PRKD1: variants seen among roughly 807,000 people sequenced by gnomAD.
PRKD1 encodes the protein serine/threonine-protein kinase D1.
PRKD1 carries 63 observed loss-of-function variants against 95.9 expected under a neutral mutation model. That is an observed-to-expected ratio of 0.66 (90% confidence interval 0.54 to 0.81). The LOEUF is 0.81. Among genes scored for constraint, PRKD1 ranks in the 30% least tolerant of loss-of-function variants. The probability of loss-of-function intolerance (pLI) is 0.00; values close to 1 mark genes in which losing one functional copy is unlikely to be tolerated. For missense variants in PRKD1, 1,048 were observed against 1,165.3 expected (o/e 0.90, Z 1.47); for synonymous variants, 425 against 423.1 (o/e 1.00, Z -0.05).
intron 2 of PRKD1, among the ~76,000 whole-genome samples, chr14:29,672,296 G>A (rs751511042): frequency 3.8e-4 from 58 of 151,542 alleles, no homozygotes; most frequent in Non-Finnish European, 6.2e-4. Context: ...AGCCGAGATC[G>A]TGCCACTGCA....
At chr14:29,774,326 A>T (rs547746110) in intron 1 of PRKD1, among the ~76,000 whole-genome samples, 4 of 152,194 alleles carry the variant, frequency 2.6e-5, no homozygotes, top group African/African-American at 9.6e-5. Context: ...TTATTAAAAC[A>T]TACCTCCTGA....
chr14:29,759,436 A>T (rs1459526251), intron 1 of PRKD1, among the ~76,000 whole-genome samples: 3 of 152,342 alleles, frequency 2.0e-5, no homozygotes, highest in African/African-American at 7.2e-5. Flanking sequence ...GGCCATATTG[A>T]TAAATGTGCT....
intron 2 of PRKD1, among the ~76,000 whole-genome samples, chr14:29,713,549 G>C (rs1333255017): frequency 6.6e-6 from 1 of 152,074 alleles, no homozygotes; most frequent in Non-Finnish European, 1.5e-5. Flanking sequence ...AACATCCATT[G>C]TCAGTTACTG....
chr14:29,719,685 A>C (rs1184965375), intron 2 of PRKD1, among the ~76,000 whole-genome samples: 1 of 152,200 alleles, frequency 6.6e-6, no homozygotes, highest in Non-Finnish European at 1.5e-5. Flanking sequence ...ATTGTGAAGG[A>C]AACAAATTAC....
At chr14:29,613,097 C>CA (rs66712219) in intron 13 of PRKD1, among the ~76,000 whole-genome samples, 79,313 of 149,926 alleles carry the variant, frequency 0.53, 21,546 homozygotes, top group East Asian at 0.68. Context: ...GACTCTGTCT[C>CA]AAAAAAAAAA....
At chr14:29,751,581 A>C (rs1207968103) in intron 1 of PRKD1, among the ~76,000 whole-genome samples, 1 of 152,220 alleles carries the variant, frequency 6.6e-6, no homozygotes, top group Non-Finnish European at 1.5e-5. Flanking sequence ...CCTCCTACCT[A>C]CAAACTCCAT....
intron 2 of PRKD1, among the ~76,000 whole-genome samples, chr14:29,723,285 T>C (rs919654180): frequency 8.6e-5 from 13 of 152,014 alleles, no homozygotes; most frequent in African/African-American, 2.7e-4. Flanking sequence ...TAAATGGCAA[T>C]GGGAAATCAG....
intron 1 of PRKD1, among the ~76,000 whole-genome samples, chr14:29,737,550 T>G (rs912223280): frequency 2.6e-5 from 4 of 152,080 alleles, no homozygotes; most frequent in African/African-American, 9.7e-5. Flanking sequence ...TGCACCCCCT[T>G]AATGAGCAAA....
intron 1 of PRKD1, among the ~76,000 whole-genome samples, chr14:29,809,193 C>T (rs2139238408): frequency 6.6e-6 from 1 of 152,354 alleles, no homozygotes; most frequent in South Asian, 2.1e-4. Context: ...AGAAACCATG[C>T]TGCAAACAGA....
chr14:29,811,610 CCT>C (rs774214317), intron 1 of PRKD1, among the ~76,000 whole-genome samples: 4 of 152,162 alleles, frequency 2.6e-5, no homozygotes, highest in Non-Finnish European at 4.4e-5. Context: ...AGACCCTGAC[CCT>C]CTCTGCCAGG....
At chr14:29,595,079 A>G (rs1893253718) in intron 16 of PRKD1, among the ~76,000 whole-genome samples, 1 of 151,944 alleles carries the variant, frequency 6.6e-6, no homozygotes, top group South Asian at 2.1e-4. Flanking sequence ...ATAAGGAGGT[A>G]CTGAGTCATT....
intron 2 of PRKD1, among the ~76,000 whole-genome samples, chr14:29,700,858 A>T (rs1884789510): frequency 6.6e-6 from 1 of 152,094 alleles, no homozygotes; most frequent in African/African-American, 2.4e-5. Context: ...GGTCTCTGCT[A>T]CCCTATCCTA....
At chr14:29,749,092 C>T (rs1887361604) in intron 1 of PRKD1, among the ~76,000 whole-genome samples, 1 of 152,052 alleles carries the variant, frequency 6.6e-6, no homozygotes, top group Non-Finnish European at 1.5e-5. Context: ...GTCTTTTATG[C>T]TTTTCTGCAT....
Position 29,578,336 on chromosome 14 carries a change from A to G in PRKD1, c.2459T>C (p.Leu820Pro). The stretch of plus-strand genomic sequence containing the variant: ...GTAGCGCTTTCTCATTTTTACTTGC[A>G]GCAAATTGTTGATAAGATCAATGGC... ...HEAIDLINNL[L>P]QVKMRKRYSV... is the part of the protein sequence containing the mutation. Residue 820 changes from leucine (L) to proline (P), a missense_variant, in exon 17 of 18, where the codon CTG becomes CCG. Transcript: ENST00000331968. 2 of 1,611,246 alleles carry G rather than the reference A, an allele frequency of 1.2e-6. No homozygotes were observed. The highest frequency in any genetic ancestry group is 1.7e-6 in the Non-Finnish European group (2 of 1,178,788).
intron 1 of PRKD1, among the ~76,000 whole-genome samples, chr14:29,809,959 C>G (rs1474443650): frequency 6.6e-6 from 1 of 152,114 alleles, no homozygotes; most frequent in African/African-American, 2.4e-5. Flanking sequence ...TCACTTGACC[C>G]TTAGAAGTCA....
chr14:29,586,807 T>C (rs749332801), intron 16 of PRKD1, among the ~76,000 whole-genome samples: 7 of 152,098 alleles, frequency 4.6e-5, no homozygotes, highest in Non-Finnish European at 1.0e-4. Context: ...GTATTTTTAG[T>C]AGAGATGGGG....
chr14:29,657,309 A>G (rs1881917306), intron 4 of PRKD1: 1 of 152,206 alleles, frequency 6.6e-6, no homozygotes, highest in Non-Finnish European at 1.5e-5. Flanking sequence ...TTTGGGGGGC[A>G]GCTCTATCTG....
rs754440861 is a variant in PRKD1, at chr14:29,927,258, G to C, written c.255C>G (p.Val85=). 1.6e-5 allele frequency: 24 copies of C among 1,507,864 alleles called. No homozygotes were observed. The South Asian group carries it at 2.0e-4, about 13-fold the overall frequency. The allele number at this position is 1,507,864 out of a possible 1,614,324, so 93.4% of individuals were successfully genotyped here. A position where few individuals can be genotyped will look rare whatever the true frequency, so the allele number is the denominator to read the frequency against. ...CGGTGCGGCGACTTACCTTCTGGTC[G>C]ACAATGGAGCAAGCCATCTCGCGGA... ...AHVREMACSI[V]DQKFPECGFY... Residue 85 remains valine, a synonymous_variant, in exon 1 of 18, where the codon GTC becomes GTG. Transcript: ENST00000331968.
chr14:29,924,450 T>C (rs994731908), intron 1 of PRKD1, among the ~76,000 whole-genome samples: 1 of 152,190 alleles, frequency 6.6e-6, no homozygotes, highest in Non-Finnish European at 1.5e-5. Context: ...TACACCTCAG[T>C]TGCTCATCCC....
Sources: allele counts gnomAD v4.1 joint callset (sites outside exome capture counted in the v4.1 genomes callset), GRCh38; gene constraint gnomAD v4.1.1; transcripts MANE v1.5; gene names NCBI Gene and HGNC (gene_info 2026-07-23, HGNC 2026-07-21).